Variants in BBX observed in about 807,000 individuals in gnomAD.
BBX encodes the protein BBX high mobility group box domain containing, also known as HMG box transcription factor BBX.
Under a neutral mutation model 100.2 loss-of-function variants are expected in BBX, and 30 were observed. The observed-to-expected ratio is 0.30, with a 90% confidence interval of 0.22 to 0.41. BBX has a LOEUF of 0.41. Ranked by LOEUF, BBX falls within the 10% of genes least tolerant of loss-of-function variation. The pLI is 1.00. For missense variants in BBX, 1,023 were observed against 1,129.8 expected, an observed-to-expected ratio of 0.91 and a Z score of 1.35; for synonymous variants, 376 against 388.1, an observed-to-expected ratio of 0.97 and a Z score of 0.37.
chr3:107,560,485 A>G (rs1201424158), intron 2 of BBX, among the ~76,000 whole-genome samples: 2 of 152,226 alleles, frequency 1.3e-5, no homozygotes, highest in Non-Finnish European at 2.9e-5. Flanking sequence ...AGTCAGATTT[A>G]GTTGTATTTC....
At chr3:107,671,598 C>A (rs563362341) in intron 3 of BBX, among the ~76,000 whole-genome samples, 1 of 151,912 alleles carries the variant, frequency 6.6e-6, no homozygotes. Flanking sequence ...AAAGTCAATT[C>A]GAAGAATGAC....
chr3:107,773,532 A>T lies in BBX; in HGVS notation c.1811A>T (p.Glu604Val). ...GACAGTGACTGTCACAGAAAAATAG[A>T]AACTTGTGGTTCCAGGAAATCCGAG... ...PEDSDCHRKI[E>V]TCGSRKSERS... Residue 604 changes from glutamate (E) to valine (V), a missense_variant, in exon 11 of 18, where the codon GAA becomes GTA. This residue lies in a region of BBX where 348 missense variants were observed against 353.2 expected (regional missense o/e 0.99). Transcript: ENST00000325805. This position sits in a 1 kb window ranked among gnomAD's most constrained non-coding sequence, Gnocchi z 4.1. The T allele has an allele frequency of 1.2e-6, 2 of 1,614,102 alleles. No individual in the cohort carries two copies. The highest frequency in any genetic ancestry group is 1.7e-6 in the Non-Finnish European group (2 of 1,179,968).
At chr3:107,593,080 G>A (rs1232086901) in intron 2 of BBX, among the ~76,000 whole-genome samples, 1 of 152,180 alleles carries the variant, frequency 6.6e-6, no homozygotes, top group Non-Finnish European at 1.5e-5. Context: ...CCCTCGTTGG[G>A]AGTTCAAGGA....
At chr3:107,755,944 A>G (rs1380847545) in intron 10 of BBX, among the ~76,000 whole-genome samples, 5 of 152,196 alleles carry the variant, frequency 3.3e-5, no homozygotes, top group Non-Finnish European at 7.3e-5. Context: ...TAGATTGGCT[A>G]TGTAAGTCCA....
chr3:107,545,554 G>A (rs1043125001), intron 2 of BBX, among the ~76,000 whole-genome samples: 2 of 152,170 alleles, frequency 1.3e-5, no homozygotes, highest in Non-Finnish European at 2.9e-5. Flanking sequence ...TGACTGCTAG[G>A]GTGGTGGTTT....
At chr3:107,581,227 T>TA (rs796678915) in intron 2 of BBX, among the ~76,000 whole-genome samples, 51 of 152,278 alleles carry the variant, frequency 3.3e-4, no homozygotes, top group African/African-American at 1.1e-3. Context: ...GTAAAATAGT[T>TA]ACATTCATTA....
intron 7 of BBX, among the ~76,000 whole-genome samples, chr3:107,733,908 C>A (rs1345493859): frequency 6.6e-6 from 1 of 152,118 alleles, no homozygotes; most frequent in Non-Finnish European, 1.5e-5. Flanking sequence ...GCACAGTCTG[C>A]ATTTGTAGAA....
At position 107,810,412 on chromosome 3, in the gene BBX, C is replaced by T. The variant is rs980055403; in HGVS notation, c.*4955C>T. The stretch of plus-strand genomic sequence containing the variant: ...CTAGTTATTGTGAACATTACTGCTC[C>T]CTCCAAAGATTTCCTGATAACTTGG... On this transcript the variant is annotated 3_prime_UTR_variant, in exon 18 of 18. Transcript: ENST00000325805. 1.9e-4 allele frequency: 29 copies of T among 152,178 alleles called. No homozygotes were observed. Among genetic ancestry groups the T allele is most frequent in the Admixed American group, 1.8e-3 (28 of 15,298 alleles). 9.4% of individuals were successfully genotyped at this position (152,178 alleles called of 1,614,324 possible). A position where few individuals can be genotyped will look rare whatever the true frequency, so the allele number is the denominator to read the frequency against.
chr3:107,638,851 T>C (rs2057027593), intron 2 of BBX, among the ~76,000 whole-genome samples: 1 of 144,078 alleles, frequency 6.9e-6, no homozygotes. Context: ...TAGCCAGGTC[T>C]GGTGGCATGT....
intron 2 of BBX, among the ~76,000 whole-genome samples, chr3:107,559,211 A>T (rs1021573139): frequency 9.9e-5 from 15 of 152,232 alleles, no homozygotes; most frequent in Non-Finnish European, 5.9e-5. Flanking sequence ...TAATCAGAGT[A>T]TACTTTAGAA....
At chr3:107,722,942 A>G (rs1013117757) in intron 5 of BBX, among the ~76,000 whole-genome samples, 3 of 151,954 alleles carry the variant, frequency 2.0e-5, no homozygotes, top group Non-Finnish European at 4.4e-5. Flanking sequence ...CTGCTCGTGG[A>G]TGGGAAGAGA....
At chr3:107,789,640 A>T in intron 13 of BBX, 147 bp from the exon 14 acceptor site, 1 of 558,392 alleles carries the variant, frequency 1.8e-6, no homozygotes, top group Non-Finnish European at 3.1e-6. Flanking sequence ...AGCACCAGTT[A>T]AGTAGGTGAA....
At chr3:107,786,254 A>G (rs1193005699) in intron 13 of BBX, among the ~76,000 whole-genome samples, 1 of 152,146 alleles carries the variant, frequency 6.6e-6, no homozygotes, top group Non-Finnish European at 1.5e-5. Context: ...AAATTGATCT[A>G]CAGATTCAAC....
chr3:107,523,289 G>A (rs966178847), intron 1 of BBX, among the ~76,000 whole-genome samples, 182 bp downstream of exon 1: 7 of 152,022 alleles, frequency 4.6e-5, no homozygotes, highest in African/African-American at 1.7e-4. Context: ...GGAACCCCGC[G>A]CGTCCGGAGC....
At chr3:107,662,636 A>G (rs1178275760) in intron 3 of BBX, 1 of 130,266 alleles carries the variant, frequency 7.7e-6, no homozygotes, top group South Asian at 2.8e-4. Flanking sequence ...AAATATAACA[A>G]GTCTGGGTTT....
chr3:107,536,343 G>A (rs1449409093), intron 2 of BBX, among the ~76,000 whole-genome samples: 1 of 152,158 alleles, frequency 6.6e-6, no homozygotes, highest in Non-Finnish European at 1.5e-5. Flanking sequence ...ATTCAGATAT[G>A]GAAGATTAAA....
chr3:107,597,904 A>G (rs1022842825), intron 2 of BBX, among the ~76,000 whole-genome samples: 8 of 152,028 alleles, frequency 5.3e-5, no homozygotes, highest in Admixed American at 3.3e-4. Context: ...AGAGTGAGAA[A>G]CTGATGATGG....
At chr3:107,645,469 A>C (rs1056715644) in intron 2 of BBX, among the ~76,000 whole-genome samples, 1 of 152,092 alleles carries the variant, frequency 6.6e-6, no homozygotes, top group African/African-American at 2.4e-5. Context: ...AAATAACTTG[A>C]ATTTAGTTAG....
intron 2 of BBX, among the ~76,000 whole-genome samples, chr3:107,536,337 A>G (rs2048488451): frequency 6.6e-6 from 1 of 152,216 alleles, no homozygotes; most frequent in Admixed American, 6.5e-5. Context: ...AGCCTAATTC[A>G]GATATGGAAG....
Sources: allele counts gnomAD v4.1 joint callset (sites outside exome capture counted in the v4.1 genomes callset), GRCh38; gene constraint gnomAD v4.1.1; regional missense constraint gnomAD v4.1.1; non-coding constraint Gnocchi (gnomAD v3.1); transcripts MANE v1.5; gene names NCBI Gene and HGNC (gene_info 2026-07-23, HGNC 2026-07-21).